The following SEMA4A variants were observed in gnomAD, a reference collection of about 807,000 sequenced individuals.
SEMA4A encodes semaphorin 4A.
SEMA4A carries 52 observed loss-of-function variants against 72.5 expected under a neutral mutation model. The ratio of observed to expected loss-of-function variants is 0.72; its 90% CI spans 0.57 to 0.90. SEMA4A has a LOEUF of 0.90. Ranked by LOEUF, SEMA4A falls within the 40% of genes least tolerant of loss-of-function variation. The pLI is 0.00. For missense variants in SEMA4A, 926 were observed against 959.7 expected (o/e 0.96, Z 0.46); for synonymous variants, 369 against 393.1 (o/e 0.94, Z 0.73).
rs183161358 is a variant in SEMA4A at position 156,160,834 on chromosome 1, C to G, written c.686-71C>G. 1,266 of 1,607,980 alleles carry G rather than the reference C, an allele frequency of 7.9e-4. 8 individuals are homozygous for G. In the African/African-American group the frequency reaches 0.015, roughly 19 times the overall value. On this transcript the variant is annotated intron_variant, in intron 7 of 14. Coordinates refer to ENST00000368285, the MANE Select transcript of SEMA4A (RefSeq NM_022367.4). Reference sequence around the variant, plus strand: ...GTCCTGGCCTCCAGGGCCAAACCAACGGTTTTCACTCAGGCAAACCCAGGG... The same window carrying G: ...GTCCTGGCCTCCAGGGCCAAACCAAGGGTTTTCACTCAGGCAAACCCAGGG...
At chr1:156,147,792 A>T (rs1407323160), upstream of SEMA4A, among the ~76,000 whole-genome samples, 1 of 152,142 alleles carries the variant, frequency 6.6e-6, no homozygotes, top group African/African-American at 2.4e-5. Flanking sequence ...CAGAGGAAAT[A>T]GAATTATGTA....
chr1:156,161,745 T>C (rs1653685822), intron 9 of SEMA4A: 1 of 538,122 alleles, frequency 1.9e-6, no homozygotes, highest in African/African-American at 1.9e-5. Context: ...TCTGCCTAGT[T>C]CCAAAAGGGA....
In SEMA4A at chr1:156,176,858, T is replaced by G. The variant is rs1287783239; in HGVS notation, c.2147T>G (p.Val716Gly). 6.2e-7 allele frequency: 1 copy of G among 1,614,214 alleles called. No homozygotes were observed. The highest frequency in any genetic ancestry group is 2.2e-5 in the East Asian group (1 of 44,888). ...AGAGCACTCCGGGCTCGGGGCAAGG[T>G]TCAGGGCTGTGAGACCCTGCGCCCT... Reference protein sequence around the residue: ...PLRALRARGKVQGCETLRPGE... With the variant: ...PLRALRARGKGQGCETLRPGE... Residue 716 changes from valine (V) to glycine (G), a missense_variant, in exon 15 of 15, where the codon GTT becomes GGT. By Grantham distance (109) the Val-to-Gly change is moderately radical. Transcript: ENST00000368285.
chr1:156,169,407 CTTTTTTTTTTT>C (rs766983966), intron 10 of SEMA4A, among the ~76,000 whole-genome samples: 7 of 85,292 alleles, frequency 8.2e-5, no homozygotes, highest in Middle Eastern at 0.011. Context: ...CTTTTCTTTT[CTTTTTTTTTTT>C]TTTTTTTTTT....
At chr1:156,174,280 C>T (rs1237984800) in intron 11 of SEMA4A, among the ~76,000 whole-genome samples, 1 of 152,158 alleles carries the variant, frequency 6.6e-6, no homozygotes, top group East Asian at 1.9e-4. Flanking sequence ...ATCAGCTGTG[C>T]ATGTATTGGG....
rs1048235214 is a variant in SEMA4A at position 156,157,247 on chromosome 1, C to T, written c.300+673C>T. 9.2e-5 allele frequency among the ~76,000 whole-genome samples: 14 copies of T among 151,482 alleles called. No individual in the cohort carries two copies. The highest frequency in any genetic ancestry group is 2.6e-4 in the Admixed American group (4 of 15,206). ...TGTTGTCCAGGCTGGAGTGCAATGG[C>T]GTGATCTTGGCTCACTGTAACCTCT... On this transcript the variant is annotated intron_variant, in intron 3 of 14. Transcript: ENST00000368285. The surrounding 1 kb of genome is among the most constrained non-coding windows in gnomAD (Gnocchi z 4.5).
chr1:156,176,284 A>C, intron 14 of SEMA4A, 121 bp from the exon 15 acceptor site: 1 of 781,106 alleles, frequency 1.3e-6, no homozygotes, highest in South Asian at 1.6e-5. Flanking sequence ...CAATAGAGCC[A>C]GAACCTGCCT....
At chr1:156,163,287 TTGC>T (rs1653852308) in intron 10 of SEMA4A, 193 bp downstream of exon 10, 1 of 632,208 alleles carries the variant, frequency 1.6e-6, no homozygotes, top group African/African-American at 1.8e-5. Flanking sequence ...CACGGAGCAG[TTGC>T]TGGAGCCATC....
rs764259200 is a variant in SEMA4A at position 156,160,539 on chromosome 1, A to G, written c.665A>G (p.Asn222Ser). 6.2e-7 allele frequency: 1 copy of G among 1,614,044 alleles called. No homozygotes were observed. The highest frequency in any genetic ancestry group is 8.5e-7 in the Non-Finnish European group (1 of 1,179,942). ...LGSQPVLKTD[N>S]FLRWLHHDAS... The stretch of plus-strand genomic sequence containing the variant: ...TCCCAGCCTGTCCTCAAGACCGACA[A>G]CTTCCTCCGCTGGCTGCATCGTAAG... Residue 222 changes from asparagine (N) to serine (S), a missense_variant, in exon 7 of 15, where the codon AAC (asparagine) becomes AGC (serine). By Grantham distance (46) the Asn-to-Ser change is conservative (BLOSUM62 1). Transcript: ENST00000368285.
chr1:156,174,904 T>G lies in SEMA4A; in HGVS notation c.1398T>G (p.Pro466=). The G allele has an allele frequency of 6.2e-7, 1 of 1,614,218 alleles. No homozygotes were observed. Among genetic ancestry groups the G allele is most frequent in the Non-Finnish European group, 8.5e-7 (1 of 1,180,026 alleles). Residue 466 remains proline, a synonymous_variant, in exon 12 of 15, where the codon CCT becomes CCG. Coordinates refer to ENST00000368285, the MANE Select transcript of SEMA4A (RefSeq NM_022367.4). The part of the protein sequence containing the change: ...LVEEIQLFPD[P]EPVRNLQLAP... ...AAGAGATTCAGCTGTTCCCTGACCCTGAACCTGTTCGCAACCTGCAGCTGG... is the reference window on the plus strand; with the variant it reads ...AAGAGATTCAGCTGTTCCCTGACCCGGAACCTGTTCGCAACCTGCAGCTGG...
At chr1:156,167,214 T>A (rs1233966887) in intron 10 of SEMA4A, among the ~76,000 whole-genome samples, 1 of 151,638 alleles carries the variant, frequency 6.6e-6, no homozygotes, top group Non-Finnish European at 1.5e-5. Flanking sequence ...TAAGACCAGG[T>A]ACAGTGGCTC....
intron 2 of SEMA4A, chr1:156,155,055 C>T (rs974953795): frequency 3.0e-5 from 11 of 370,634 alleles, no homozygotes; most frequent in Non-Finnish European, 2.5e-5. Flanking sequence ...AACTGCTTCA[C>T]ACTCCCAGGT....
In SEMA4A at chr1:156,177,151, C is replaced by G. The variant is rs1339509676; in HGVS notation, c.*154C>G. On this transcript the variant is annotated 3_prime_UTR_variant, in exon 15 of 15. Transcript: ENST00000368285. ...ACTCTGCATCACTGATGACACTCAGCAGGGTGATGCACAGCAGTCTGCCTC... is the reference window on the plus strand; with the variant it reads ...ACTCTGCATCACTGATGACACTCAGGAGGGTGATGCACAGCAGTCTGCCTC... 5 of 734,092 alleles carry G rather than the reference C, an allele frequency of 6.8e-6. No individual in the cohort carries two copies. The highest frequency in any genetic ancestry group is 1.2e-5 in the Non-Finnish European group (5 of 419,176). 45.5% of individuals were successfully genotyped at this position (734,092 alleles called of 1,614,324 possible). A position where few individuals can be genotyped will look rare whatever the true frequency, so the allele number is the denominator to read the frequency against.
chr1:156,158,577 C>T (rs1038067157), intron 5 of SEMA4A, 91 bp downstream of exon 5: 3 of 1,322,618 alleles, frequency 2.3e-6, no homozygotes, highest in African/African-American at 2.9e-5. Context: ...AAAACTCTGG[C>T]CTTCCAGATG....
chr1:156,175,430 G>A (rs561780758), intron 13 of SEMA4A, 126 bp from the exon 14 acceptor site: 18 of 1,100,108 alleles, frequency 1.6e-5, no homozygotes, highest in Admixed American at 3.9e-5. Flanking sequence ...GCCATTCCGC[G>A]TTCCTCTCTC....
rs1653159886 is a variant in SEMA4A, at chr1:156,157,578, GGTTCATGTATCCTGAT to G, written c.301-489_301-474del. Among the ~76,000 whole-genome samples, 1 of 152,162 alleles carries G rather than the reference GGTTCATGTATCCTGAT, an allele frequency of 6.6e-6. No homozygotes were observed. Among genetic ancestry groups the G allele is most frequent in the Non-Finnish European group, 1.5e-5 (1 of 68,034 alleles). On this transcript the variant is annotated intron_variant, in intron 3 of 14. Transcript: ENST00000368285. This position sits in a 1 kb window ranked among gnomAD's most constrained non-coding sequence, Gnocchi z 4.5. ...TAGCAATATTAGCAATCACCTCCAT[GGTTCATGTATCCTGAT>G]GTGTAGTCTGCTGACCACCTGCACA... is the stretch of plus-strand genomic sequence containing the variant.
At chr1:156,168,395 T>C (rs1654385952) in intron 10 of SEMA4A, among the ~76,000 whole-genome samples, 2 of 151,858 alleles carry the variant, frequency 1.3e-5, no homozygotes, top group Admixed American at 1.3e-4. Context: ...CTAATTTTTT[T>C]CTATTTTTAG....
At chr1:156,174,438 G>A (rs1171354077) in intron 11 of SEMA4A, among the ~76,000 whole-genome samples, 1 of 152,206 alleles carries the variant, frequency 6.6e-6, no homozygotes, top group East Asian at 1.9e-4. Flanking sequence ...GGAATGCCAG[G>A]TAAGGAGGTT....
At chr1:156,170,581 A>G (rs559433849) in intron 10 of SEMA4A, among the ~76,000 whole-genome samples, 3 of 143,338 alleles carry the variant, frequency 2.1e-5, no homozygotes, top group East Asian at 2.1e-4. Flanking sequence ...GTGAAACCCC[A>G]TCTCTACTAA....
Sources: allele counts gnomAD v4.1 joint callset (sites outside exome capture counted in the v4.1 genomes callset), GRCh38; gene constraint gnomAD v4.1.1; non-coding constraint Gnocchi (gnomAD v3.1); transcripts MANE v1.5; gene names NCBI Gene and HGNC (gene_info 2026-07-23, HGNC 2026-07-21).